Variants in DOCK1 observed in about 807,000 individuals in gnomAD.
The protein encoded by DOCK1 is dedicator of cytokinesis 1, also known as dedicator of cytokinesis protein 1.
DOCK1 carries 138 observed loss-of-function variants against 262.7 expected under a neutral mutation model. The ratio of observed to expected loss-of-function variants is 0.53; its 90% CI spans 0.46 to 0.61. DOCK1 has a LOEUF of 0.61. Among genes scored for constraint, DOCK1 ranks in the 20% least tolerant of loss-of-function variants. The pLI is 0.00. For synonymous variants in DOCK1, 866 were observed against 867.4 expected (o/e 1.00, Z 0.03); for missense variants, 1,908 against 2,370.7 (o/e 0.80, Z 4.05).
At chr10:127,220,415 C>T (rs916445584) in intron 27 of DOCK1, among the ~76,000 whole-genome samples, 1 of 151,694 alleles carries the variant, frequency 6.6e-6, no homozygotes, top group Non-Finnish European at 1.5e-5. Context: ...CGTGGGGCTG[C>T]CACATTTAAC....
rs543463732 is a variant in DOCK1 at position 127,409,154 on chromosome 10, G to A, written c.4240G>A (p.Asp1414Asn). 3.9e-5 allele frequency: 63 copies of A among 1,613,192 alleles called. No individual in the cohort carries two copies. Among genetic ancestry groups the A allele is most frequent in the Non-Finnish European group, 4.9e-5 (58 of 1,179,638 alleles). The change falls in exon 41 of 52, where the codon GAT becomes AAT. Residue 1414 changes from aspartate to asparagine, a missense_variant. By Grantham distance (23) the Asp-to-Asn change is conservative (BLOSUM62 1). Coordinates refer to ENST00000623213, the MANE Select transcript of DOCK1 (RefSeq NM_001290223.2). ...GAAGACAACATCTCCACCAGGCGAC[G>A]ATATTAAAAACTCTCCTGGCCAGTG... ...KMKTTSPPGDDIKNSPGQYIQ... is the reference protein window; with the variant it reads ...KMKTTSPPGDNIKNSPGQYIQ...
chr10:126,956,003 A>G (rs1273582098), intron 1 of DOCK1, among the ~76,000 whole-genome samples: 2 of 152,146 alleles, frequency 1.3e-5, no homozygotes, highest in African/African-American at 4.8e-5. Context: ...AGGTCTGGTC[A>G]AGTCGGGAGC....
chr10:127,421,712 G>A (rs1207938686), intron 46 of DOCK1, among the ~76,000 whole-genome samples: 1 of 152,156 alleles, frequency 6.6e-6, no homozygotes, highest in Non-Finnish European at 1.5e-5. Flanking sequence ...TATATGAGTG[G>A]AATCATGTAA....
At chr10:127,340,864 C>T (rs1409476958) in intron 30 of DOCK1, among the ~76,000 whole-genome samples, 7 of 152,122 alleles carry the variant, frequency 4.6e-5, no homozygotes, top group African/African-American at 1.2e-4. Context: ...TCCTAACATT[C>T]GTATTTGGCT....
At chr10:127,359,878 T>C (rs759661448) in intron 32 of DOCK1, among the ~76,000 whole-genome samples, 9 of 152,234 alleles carry the variant, frequency 5.9e-5, no homozygotes, top group Non-Finnish European at 1.0e-4. Flanking sequence ...TGTAGAAATA[T>C]TAATAAGATT....
intron 1 of DOCK1, among the ~76,000 whole-genome samples, chr10:126,938,560 T>C (rs976662166): frequency 2.3e-4 from 35 of 152,304 alleles, no homozygotes; most frequent in African/African-American, 8.4e-4. Context: ...TTATGAGTTC[T>C]TTCTTAGTCC....
At chr10:127,158,916 T>C (rs1248617030) in intron 27 of DOCK1, among the ~76,000 whole-genome samples, 1 of 152,186 alleles carries the variant, frequency 6.6e-6, no homozygotes, top group Admixed American at 6.5e-5. Flanking sequence ...TGTTTTCTGT[T>C]CTGTTGACCC....
chr10:127,202,803 G>A (rs145798486), intron 27 of DOCK1, among the ~76,000 whole-genome samples: 53 of 152,306 alleles, frequency 3.5e-4, no homozygotes, highest in Middle Eastern at 6.8e-3. Flanking sequence ...ATCAGAGAAC[G>A]TAAATGATCT....
At chr10:127,294,408 G>GCCTCC (rs1449882462) in intron 29 of DOCK1, among the ~76,000 whole-genome samples, 1 of 151,722 alleles carries the variant, frequency 6.6e-6, no homozygotes, top group East Asian at 1.9e-4. Flanking sequence ...TGCAACCTCC[G>GCCTCC]CCTCCCAGGT....
chr10:127,264,472 A>G (rs911845309), intron 29 of DOCK1, among the ~76,000 whole-genome samples: 1 of 152,226 alleles, frequency 6.6e-6, no homozygotes, highest in African/African-American at 2.4e-5. Context: ...TTGCAAGTAA[A>G]GGTTCATATA....
chr10:127,315,801 T>C (rs981282742), intron 29 of DOCK1, among the ~76,000 whole-genome samples: 1 of 152,078 alleles, frequency 6.6e-6, no homozygotes, highest in African/African-American at 2.4e-5. Context: ...TGGGTTGAAG[T>C]GATTCTCCTG....
chr10:127,218,859 C>G (rs181117388), intron 27 of DOCK1, among the ~76,000 whole-genome samples: 1 of 152,134 alleles, frequency 6.6e-6, no homozygotes, highest in Non-Finnish European at 1.5e-5. Flanking sequence ...CAAGTTTGGT[C>G]GTCTGGTGAG....
At chr10:127,026,317 T>C in intron 15 of DOCK1, 35 bp from the exon 16 acceptor site, 1 of 1,541,146 alleles carries the variant, frequency 6.5e-7, no homozygotes, top group Non-Finnish European at 8.8e-7. Flanking sequence ...ATGATATTGA[T>C]AACAGTGCTT....
chr10:127,336,299 T>C (rs954339985), intron 29 of DOCK1, among the ~76,000 whole-genome samples: 1 of 152,138 alleles, frequency 6.6e-6, no homozygotes, highest in Admixed American at 6.6e-5. Flanking sequence ...CCTTGATGCA[T>C]TGAGCCCAAG....
Position 127,023,276 on chromosome 10 carries a change from C to T in DOCK1, c.1404C>T (p.Asn468=), listed in dbSNP as rs775268818. 3.3e-5 allele frequency: 53 copies of T among 1,613,722 alleles called. No homozygotes were observed. The highest frequency in any genetic ancestry group is 5.0e-5 in the Admixed American group (3 of 59,992). The change falls in exon 14 of 52, where the codon AAC becomes AAT. Residue 468 remains asparagine (N), a synonymous_variant. Coordinates refer to ENST00000623213, the MANE Select transcript of DOCK1 (RefSeq NM_001290223.2). ...AAGGAAGCAAAACAACAGCGAAGAA[C>T]GTGGAGGTCACGGTGTCTGTGTACG... ...FDKGSKTTAK[N]VEVTVSVYDE...
chr10:127,187,719 G>GAAGAAAGAGAGAAAGAAAGA (rs978218091), intron 27 of DOCK1, among the ~76,000 whole-genome samples: 1 of 136,752 alleles, frequency 7.3e-6, no homozygotes, highest in South Asian at 2.6e-4. Flanking sequence ...AAAACAAGGA[G>GAAGAAAGAGAGAAAGAAAGA]AAGAAAGAGA....
chr10:127,410,137 T>G (rs2134383756), intron 42 of DOCK1, among the ~76,000 whole-genome samples: 1 of 152,370 alleles, frequency 6.6e-6, no homozygotes, highest in East Asian at 1.9e-4. Context: ...TCTTTAACCT[T>G]TCATCGTTTC....
chr10:127,036,639 T>TA (rs1158243080), intron 18 of DOCK1, among the ~76,000 whole-genome samples: 3 of 152,132 alleles, frequency 2.0e-5, no homozygotes, highest in Non-Finnish European at 4.4e-5. Flanking sequence ...TAGGCATATG[T>TA]ACTTTCCTAG....
At chr10:127,196,659 G>A (rs2057184511) in intron 27 of DOCK1, among the ~76,000 whole-genome samples, 1 of 149,150 alleles carries the variant, frequency 6.7e-6, no homozygotes, top group Non-Finnish European at 1.5e-5. Flanking sequence ...GCGTGCGTGG[G>A]GTGGGGGATA....
Sources: allele counts gnomAD v4.1 joint callset (sites outside exome capture counted in the v4.1 genomes callset), GRCh38; gene constraint gnomAD v4.1.1; transcripts MANE v1.5; gene names NCBI Gene and HGNC (gene_info 2026-07-23, HGNC 2026-07-21).